The following ZCCHC24 variants were observed in gnomAD, a reference collection of about 807,000 sequenced individuals.
The protein encoded by ZCCHC24 is zinc finger CCHC domain-containing protein 24.
ZCCHC24 carries 10 observed loss-of-function variants against 26.2 expected under a neutral mutation model. That is an observed-to-expected ratio of 0.38 (90% CI 0.24 to 0.65). The LOEUF is 0.65. Ranked by LOEUF, ZCCHC24 falls within the 30% of genes least tolerant of loss-of-function variation. The pLI, the probability that ZCCHC24 is intolerant of heterozygous loss-of-function variation, is 0.54. For synonymous variants in ZCCHC24, 144 were observed against 147.1 expected (o/e 0.98, Z 0.15); for missense variants, 243 against 329.1 (o/e 0.74, Z 2.03).
intron 2 of ZCCHC24, among the ~76,000 whole-genome samples, chr10:79,395,740 C>G (rs1856537841): frequency 6.6e-6 from 1 of 152,164 alleles, no homozygotes; most frequent in South Asian, 2.1e-4. Context: ...TTTTTTCATG[C>G]AGGAATAGCC....
intron 2 of ZCCHC24, among the ~76,000 whole-genome samples, chr10:79,421,520 G>C (rs532656932): frequency 1.4e-3 from 203 of 142,570 alleles, no homozygotes; most frequent in South Asian, 0.013. Flanking sequence ...TGAGTAATGG[G>C]TGGCAGTATA....
At chr10:79,415,447 T>G (rs1234237419) in intron 2 of ZCCHC24, among the ~76,000 whole-genome samples, 2 of 152,218 alleles carry the variant, frequency 1.3e-5, no homozygotes, top group Non-Finnish European at 2.9e-5. Context: ...GTCTTCAGTG[T>G]CCTTGGCTGG....
intron 2 of ZCCHC24, among the ~76,000 whole-genome samples, chr10:79,420,232 T>C (rs887218406): frequency 2.6e-5 from 4 of 151,752 alleles, no homozygotes; most frequent in Non-Finnish European, 5.9e-5. Context: ...CACAGCAGAG[T>C]CCCCCCAGCA....
At chr10:79,387,547 C>G (rs1856415622) in intron 3 of ZCCHC24, among the ~76,000 whole-genome samples, 1 of 152,180 alleles carries the variant, frequency 6.6e-6, no homozygotes, top group Non-Finnish European at 1.5e-5. Context: ...GCTGGAGCCC[C>G]TGCCTGCAGA....
Position 79,382,856 on chromosome 10 carries a change from C to G in ZCCHC24, c.*3489G>C, listed in dbSNP as rs1303498452. 6.5e-6 allele frequency: 1 copy of G among 152,772 alleles called. No individual in the cohort carries two copies. Among genetic ancestry groups the G allele is most frequent in the Non-Finnish European group, 1.5e-5 (1 of 68,056 alleles). The allele number at this position is 152,772 out of a possible 1,614,324, so 9.5% of individuals were successfully genotyped here. A position where few individuals can be genotyped will look rare whatever the true frequency, so the allele number is the denominator to read the frequency against. On this transcript the variant is annotated 3_prime_UTR_variant, in exon 4 of 4. Transcript: ENST00000372336. ...TGGCAAAGCTCCCGAGCGGCGAGGC[C>G]AGGCTTTGCCCCACTTCTTCTTCCC...
chr10:79,444,152 G>A (rs868311689), intron 1 of ZCCHC24: 1 of 1,544,568 alleles, frequency 6.5e-7, no homozygotes, highest in Admixed American at 2.0e-5. Flanking sequence ...GTCCTCCCCC[G>A]AACACACCTC....
chr10:79,384,419 T>C lies in ZCCHC24; in HGVS notation c.*1926A>G, dbSNP rs116543832. On this transcript the variant is annotated 3_prime_UTR_variant, in exon 4 of 4. Coordinates refer to ENST00000372336, the MANE Select transcript of ZCCHC24 (RefSeq NM_153367.4). ...CTCTTTAGCAGTGCGGTAGGATGAC[T>C]GTCAGTGGCAGCTTCTCCTTGGGAC... 7.1e-3 allele frequency: 1,089 copies of C among 152,528 alleles called. 9 individuals are homozygous for C. The highest frequency in any genetic ancestry group is 0.011 in the Non-Finnish European group (736 of 68,068). The allele number at this position is 152,528 out of a possible 1,614,324, so 9.4% of individuals were successfully genotyped here.
intron 2 of ZCCHC24, among the ~76,000 whole-genome samples, chr10:79,402,354 C>A (rs1378925348): frequency 6.6e-6 from 1 of 152,158 alleles, no homozygotes. Context: ...CCGCTCACTG[C>A]AAGCTCCACC....
At chr10:79,444,046 C>A in intron 1 of ZCCHC24, 1 of 1,509,330 alleles carries the variant, frequency 6.6e-7, no homozygotes, top group Non-Finnish European at 8.9e-7. Context: ...CACACCCTTG[C>A]GTACATAGGC....
intron 2 of ZCCHC24, among the ~76,000 whole-genome samples, chr10:79,398,901 C>T (rs1460392693): frequency 6.6e-6 from 1 of 152,144 alleles, no homozygotes; most frequent in African/African-American, 2.4e-5. Context: ...TGGGACTTGC[C>T]AAAGTGCTTC....
In ZCCHC24 at chr10:79,384,889, A is replaced by G. The variant is rs554168797; in HGVS notation, c.*1456T>C. 1 of 152,442 alleles carries G rather than the reference A, an allele frequency of 6.6e-6. No individual in the cohort carries two copies. The highest frequency in any genetic ancestry group is 2.4e-5 in the African/African-American group (1 of 41,398). The allele number at this position is 152,442 out of a possible 1,614,324, so 9.4% of individuals were successfully genotyped here. ...GACCCAGTTCTGACAGCCGGGAGAA[A>G]GGAAGGGTCAAGACCATGGAAACGG... is the stretch of plus-strand genomic sequence containing the variant. On this transcript the variant is annotated 3_prime_UTR_variant, in exon 4 of 4. Coordinates refer to ENST00000372336, the MANE Select transcript of ZCCHC24 (RefSeq NM_153367.4).
chr10:79,430,918 C>T (rs1289603860), intron 2 of ZCCHC24, among the ~76,000 whole-genome samples: 1 of 152,214 alleles, frequency 6.6e-6, no homozygotes, highest in Admixed American at 6.5e-5. Context: ...AATCCCAGCT[C>T]TTCCATTGAT....
chr10:79,443,510 C>T (rs557221918), intron 1 of ZCCHC24, among the ~76,000 whole-genome samples: 3 of 152,310 alleles, frequency 2.0e-5, no homozygotes, highest in African/African-American at 7.2e-5. Context: ...ACAAGCACCC[C>T]CATCAAATCA....
At chr10:79,441,946 C>T (rs909821140) in intron 1 of ZCCHC24, among the ~76,000 whole-genome samples, 2 of 152,220 alleles carry the variant, frequency 1.3e-5, no homozygotes, top group African/African-American at 4.8e-5. Flanking sequence ...GCCATCTTCA[C>T]AAGGAGGTAA....
Position 79,445,588 on chromosome 10 carries a change from C to A in ZCCHC24, c.-148G>T. On this transcript the variant is annotated 5_prime_UTR_variant, in exon 1 of 4. Coordinates refer to ENST00000372336, the MANE Select transcript of ZCCHC24 (RefSeq NM_153367.4). ...CCGCGCCCTGCGCCCCGCGCGCTGC[C>A]CGCAGCCGCTGCCGCTGCCGCCGCC... 1 of 652,486 alleles carries A rather than the reference C, an allele frequency of 1.5e-6. No individual in the cohort carries two copies. Among genetic ancestry groups the A allele is most frequent in the South Asian group, 6.5e-5 (1 of 15,314 alleles). The allele number at this position is 652,486 out of a possible 1,614,324, so 40.4% of individuals were successfully genotyped here.
At chr10:79,405,097 C>T (rs1269846637) in intron 2 of ZCCHC24, among the ~76,000 whole-genome samples, 1 of 152,172 alleles carries the variant, frequency 6.6e-6, no homozygotes, top group East Asian at 1.9e-4. Flanking sequence ...TGGAGAAGGC[C>T]CTCTCCCTGA....
chr10:79,410,973 T>A (rs922504259), intron 2 of ZCCHC24, among the ~76,000 whole-genome samples: 1 of 152,144 alleles, frequency 6.6e-6, no homozygotes, highest in African/African-American at 2.4e-5. Context: ...GGAGCTCCCC[T>A]CTTGGCCCAT....
intron 2 of ZCCHC24, among the ~76,000 whole-genome samples, chr10:79,410,318 T>C (rs1856772673): frequency 6.6e-6 from 1 of 152,264 alleles, no homozygotes. Context: ...TTCCTCATCT[T>C]TCTTGTTCAC....
At chr10:79,390,481 T>C (rs899971352) in intron 3 of ZCCHC24, among the ~76,000 whole-genome samples, 1 of 152,038 alleles carries the variant, frequency 6.6e-6, no homozygotes, top group African/African-American at 2.4e-5. Context: ...CCGGGTGAAA[T>C]GATCTTGAAA....
Sources: allele counts gnomAD v4.1 joint callset (sites outside exome capture counted in the v4.1 genomes callset), GRCh38; gene constraint gnomAD v4.1.1; transcripts MANE v1.5; gene names NCBI Gene and HGNC (gene_info 2026-07-23, HGNC 2026-07-21).